The following EFR3A variants were observed in gnomAD, a reference collection of about 807,000 sequenced individuals.
The protein encoded by EFR3A is EFR3 homolog A, also known as protein EFR3 homolog A.
EFR3A carries 76 observed loss-of-function variants against 104.4 expected under a neutral mutation model. The observed-to-expected ratio is 0.73, with a 90% confidence interval of 0.60 to 0.88. EFR3A has a LOEUF of 0.88. EFR3A is among the 40% of genes least tolerant of loss of function. EFR3A has a pLI of 0.00. For missense variants in EFR3A, 985 were observed against 1,012.5 expected, an observed-to-expected ratio of 0.97 and a Z score of 0.37; for synonymous variants, 330 against 330.0, an observed-to-expected ratio of 1.00 and a Z score of 0.00.
intron 1 of EFR3A, among the ~76,000 whole-genome samples, chr8:131,912,259 C>T (rs961045440): frequency 5.9e-5 from 9 of 152,094 alleles, no homozygotes; most frequent in South Asian, 2.1e-4. Context: ...ATACTTCCTA[C>T]GACCTGCATG....
chr8:131,964,190 G>C (rs10808595), intron 8 of EFR3A, among the ~76,000 whole-genome samples: 147,846 of 150,676 alleles, frequency 0.98, 72,552 homozygotes, highest in East Asian at 1. Flanking sequence ...CTCACCACTC[G>C]TATTCAACAT....
chr8:131,932,421 C>G (rs114802427), intron 1 of EFR3A, among the ~76,000 whole-genome samples: 15 of 152,120 alleles, frequency 9.9e-5, no homozygotes, highest in African/African-American at 3.6e-4. Flanking sequence ...CCTTGGTGTT[C>G]CATGAATATT....
chr8:132,001,226 T>TA (rs2130802787), intron 19 of EFR3A, among the ~76,000 whole-genome samples: 1 of 152,342 alleles, frequency 6.6e-6, no homozygotes, highest in South Asian at 2.1e-4. Context: ...TTTAGAGAAA[T>TA]ACTTCCCAAA....
In EFR3A at chr8:131,926,029, C is replaced by A. The variant is rs148120388; in HGVS notation, c.11-14470C>A. Among the ~76,000 whole-genome samples, 121 of 151,958 alleles carry A rather than the reference C, an allele frequency of 8.0e-4. 1 individual carries two copies. Among genetic ancestry groups the A allele is most frequent in the African/African-American group, 2.7e-3 (110 of 41,458 alleles). On this transcript the variant is annotated intron_variant, in intron 1 of 22. Coordinates refer to ENST00000254624, the MANE Select transcript of EFR3A (RefSeq NM_015137.6). Reference sequence around the variant, plus strand: ...CACACTGTCAAGGCTAAAGCCAGATCAGTCAGTGAATAAAATAGTTAAAAT... The same window carrying A: ...CACACTGTCAAGGCTAAAGCCAGATAAGTCAGTGAATAAAATAGTTAAAAT...
intron 1 of EFR3A, among the ~76,000 whole-genome samples, chr8:131,920,154 A>G (rs1161471082): frequency 3.9e-5 from 6 of 152,168 alleles, no homozygotes; most frequent in African/African-American, 1.4e-4. Context: ...GTTTTGGGAC[A>G]CTTGTGCCGG....
Position 132,010,770 on chromosome 8 carries a change from G to A in EFR3A, c.2361-20G>A, listed in dbSNP as rs1310221737. 3 of 1,609,830 alleles carry A rather than the reference G, an allele frequency of 1.9e-6. No individual in the cohort carries two copies. The highest frequency in any genetic ancestry group is 1.3e-5 in the African/African-American group (1 of 74,900). Reference sequence around the variant, plus strand: ...GCTTGTAAGTACACCTGCTGACAATGTATTTTTGTTCTTTTATAGTCCTCC... The same window carrying A: ...GCTTGTAAGTACACCTGCTGACAATATATTTTTGTTCTTTTATAGTCCTCC... On this transcript the variant is annotated intron_variant, in intron 22 of 22. Transcript: ENST00000254624.
At chr8:132,000,041 G>A (rs1408406257) in intron 19 of EFR3A, among the ~76,000 whole-genome samples, 1 of 151,814 alleles carries the variant, frequency 6.6e-6, no homozygotes, top group African/African-American at 2.4e-5. Flanking sequence ...GAATGAATAG[G>A]ACCAACAAAT....
chr8:131,910,155 GC>G (rs1816445850), intron 1 of EFR3A, among the ~76,000 whole-genome samples: 1 of 152,224 alleles, frequency 6.6e-6, no homozygotes, highest in Admixed American at 6.5e-5. Flanking sequence ...AACTATACTA[GC>G]CGAGTAGCTG....
chr8:131,995,782 C>T (rs950716005), intron 18 of EFR3A, among the ~76,000 whole-genome samples: 2 of 152,172 alleles, frequency 1.3e-5, no homozygotes, highest in Non-Finnish European at 2.9e-5. Flanking sequence ...TTAGCTAGAG[C>T]ACTCAGGTAA....
chr8:131,921,092 G>A (rs1310153781), intron 1 of EFR3A, among the ~76,000 whole-genome samples: 4 of 152,136 alleles, frequency 2.6e-5, no homozygotes, highest in African/African-American at 4.8e-5. Context: ...AAAACACTTG[G>A]ATTAGAATTT....
chr8:131,984,904 C>A, intron 15 of EFR3A, 25 bp from the exon 16 acceptor site: 1 of 1,604,524 alleles, frequency 6.2e-7, no homozygotes, highest in Non-Finnish European at 8.5e-7. Flanking sequence ...CTTGATCTCT[C>A]TGATGTGTTT....
chr8:131,913,947 A>T (rs1016742076), intron 1 of EFR3A, among the ~76,000 whole-genome samples: 3 of 152,236 alleles, frequency 2.0e-5, no homozygotes, highest in African/African-American at 7.2e-5. Flanking sequence ...GTTAAAAATA[A>T]TTTACTAACT....
At chr8:132,001,877 C>A in intron 20 of EFR3A, 70 bp downstream of exon 20, 2 of 1,313,674 alleles carry the variant, frequency 1.5e-6, no homozygotes, top group Non-Finnish European at 2.2e-6. Context: ...TTTTCGATGA[C>A]AGAATACGTA....
intron 18 of EFR3A, among the ~76,000 whole-genome samples, chr8:131,993,810 C>T (rs562198492): frequency 2.0e-5 from 3 of 152,156 alleles, no homozygotes; most frequent in East Asian, 1.9e-4. Flanking sequence ...TGAACATAGG[C>T]GTGTGCAAAC....
intron 22 of EFR3A, 58 bp from the exon 23 acceptor site, chr8:132,010,732 G>C: frequency 1.3e-6 from 2 of 1,570,170 alleles, no homozygotes; most frequent in Non-Finnish European, 1.7e-6. Flanking sequence ...TAGAATACTC[G>C]GTGAAATGAA....
intron 12 of EFR3A, among the ~76,000 whole-genome samples, chr8:131,977,366 G>A (rs1050011602): frequency 6.6e-6 from 1 of 152,130 alleles, no homozygotes; most frequent in Non-Finnish European, 1.5e-5. Flanking sequence ...CAGAGACTGT[G>A]AGTGGAAGGA....
chr8:131,911,685 A>G (rs1036749020), intron 1 of EFR3A, among the ~76,000 whole-genome samples: 1 of 152,202 alleles, frequency 6.6e-6, no homozygotes, highest in South Asian at 2.1e-4. Context: ...GATACGGGGG[A>G]AAATGCCCAT....
chr8:131,984,794 T>C (rs1447891362), intron 15 of EFR3A, 135 bp from the exon 16 acceptor site: 1 of 813,908 alleles, frequency 1.2e-6, no homozygotes. Context: ...TCAGAATTGT[T>C]TTAGAAAATA....
chr8:131,929,727 C>T (rs2130492181), intron 1 of EFR3A, among the ~76,000 whole-genome samples: 1 of 152,144 alleles, frequency 6.6e-6, no homozygotes, highest in South Asian at 2.1e-4. Context: ...TTGTTTTTCC[C>T]ATTTATGTAT....
Sources: allele counts gnomAD v4.1 joint callset (sites outside exome capture counted in the v4.1 genomes callset), GRCh38; gene constraint gnomAD v4.1.1; transcripts MANE v1.5; gene names NCBI Gene and HGNC (gene_info 2026-07-23, HGNC 2026-07-21).